The following RFX3 variants were observed in gnomAD, a reference collection of about 807,000 sequenced individuals.
RFX3 encodes regulatory factor X3, also known as transcription factor RFX3.
In RFX3, 14 loss-of-function variants were observed where a neutral mutation model predicts 98.6. The ratio of observed to expected loss-of-function variants is 0.14; its 90% confidence interval spans 0.09 to 0.22. RFX3 has a LOEUF of 0.22. Ranked by LOEUF, RFX3 falls within the 10% of genes least tolerant of loss-of-function variation. RFX3 has a pLI of 1.00. For synonymous variants in RFX3, 383 were observed against 328.4 expected, an observed-to-expected ratio of 1.17 and a Z score of -1.80; for missense variants, 639 against 926.9, an observed-to-expected ratio of 0.69 and a Z score of 4.03.
chr9:3,273,271 T>C lies in RFX3; in HGVS notation c.1087-2153A>G, dbSNP rs569789706. ...AGGAAAAAATAATTAGAATTTTTCTTTTTTATATATGCAGCTCAGCCCTAT... is the reference window on the plus strand; with the variant it reads ...AGGAAAAAATAATTAGAATTTTTCTCTTTTATATATGCAGCTCAGCCCTAT... On this transcript the variant is annotated intron_variant, in intron 9 of 16. Transcript: ENST00000617270. Among the ~76,000 whole-genome samples the C allele has an allele frequency of 2.0e-5, 3 of 152,308 alleles. No homozygotes were observed. The South Asian group carries it at 6.2e-4, about 32-fold the overall frequency.
intron 1 of RFX3, among the ~76,000 whole-genome samples, chr9:3,488,035 G>C (rs1337145999): frequency 6.6e-6 from 1 of 152,092 alleles, no homozygotes; most frequent in Non-Finnish European, 1.5e-5. Flanking sequence ...TATAATTACT[G>C]TTCTATAGGC....
chr9:3,472,316 AC>A (rs1347358272), intron 1 of RFX3, among the ~76,000 whole-genome samples: 1 of 152,098 alleles, frequency 6.6e-6, no homozygotes, highest in African/African-American at 2.4e-5. Flanking sequence ...ACCACTTACT[AC>A]TTAAATGACC....
At chr9:3,424,486 C>A (rs377309321) in intron 1 of RFX3, among the ~76,000 whole-genome samples, 45 of 149,818 alleles carry the variant, frequency 3.0e-4, no homozygotes, top group African/African-American at 1.1e-3. Context: ...CTCAGCCTCC[C>A]GAGTAGCTGG....
intron 1 of RFX3, among the ~76,000 whole-genome samples, chr9:3,405,786 C>T (rs951528609): frequency 6.6e-6 from 1 of 152,128 alleles, no homozygotes; most frequent in African/African-American, 2.4e-5. Context: ...AGGCCACTAC[C>T]TATAATAGGT....
intron 4 of RFX3, among the ~76,000 whole-genome samples, chr9:3,313,871 T>G (rs892359462): frequency 1.3e-5 from 2 of 152,114 alleles, no homozygotes; most frequent in Non-Finnish European, 2.9e-5. Context: ...TATGGGACTA[T>G]GTGAAAAGAG....
At chr9:3,442,689 G>C (rs1440522367) in intron 1 of RFX3, among the ~76,000 whole-genome samples, 1 of 152,140 alleles carries the variant, frequency 6.6e-6, no homozygotes, top group Non-Finnish European at 1.5e-5. Context: ...GGGAACCTCT[G>C]TACTACCTCT....
chr9:3,389,089 G>C (rs1436948075), intron 2 of RFX3, among the ~76,000 whole-genome samples: 1 of 152,072 alleles, frequency 6.6e-6, no homozygotes. Context: ...AATACCTGGA[G>C]CCCAAGATTA....
intron 1 of RFX3, among the ~76,000 whole-genome samples, chr9:3,420,125 C>A (rs957487114): frequency 2.0e-5 from 3 of 152,218 alleles, no homozygotes; most frequent in Admixed American, 6.5e-5. Context: ...TCCGACCATC[C>A]TTCAGTGAGC....
intron 12 of RFX3, among the ~76,000 whole-genome samples, chr9:3,263,513 G>C (rs1307172578): frequency 6.6e-6 from 1 of 152,088 alleles, no homozygotes; most frequent in East Asian, 1.9e-4. Context: ...AATAAAAAGA[G>C]ATCTGGACAT....
At chr9:3,524,827 GCA>G (rs34119220) in intron 1 of RFX3, among the ~76,000 whole-genome samples, 15,820 of 127,838 alleles carry the variant, frequency 0.12, 1,048 homozygotes, top group Non-Finnish European at 0.16. Flanking sequence ...TAAATCACAA[GCA>G]CACACACACA....
intron 3 of RFX3, 141 bp downstream of exon 3, chr9:3,346,526 A>G (rs1834456255): frequency 8.4e-6 from 5 of 591,830 alleles, no homozygotes; most frequent in South Asian, 7.9e-5. Flanking sequence ...AGCTCTAAAC[A>G]TCAGCTTAAT....
At chr9:3,516,725 A>G (rs1028387316) in intron 1 of RFX3, among the ~76,000 whole-genome samples, 2 of 148,258 alleles carry the variant, frequency 1.3e-5, no homozygotes, top group African/African-American at 2.5e-5. Context: ...TCGCTTTCGC[A>G]CTCTCTCTCT....
intron 14 of RFX3, among the ~76,000 whole-genome samples, chr9:3,256,129 G>A (rs981950910): frequency 6.6e-6 from 1 of 152,026 alleles, no homozygotes; most frequent in African/African-American, 2.4e-5. Context: ...ACCATGCCCC[G>A]CTAATTTTGT....
chr9:3,428,431 G>A (rs1844324545), intron 1 of RFX3, among the ~76,000 whole-genome samples: 2 of 152,128 alleles, frequency 1.3e-5, no homozygotes, highest in Admixed American at 1.3e-4. Context: ...GTTTTGTAGA[G>A]TTTCTGAAGT....
chr9:3,262,278 T>G (rs1823013385), intron 13 of RFX3, among the ~76,000 whole-genome samples: 1 of 152,206 alleles, frequency 6.6e-6, no homozygotes, highest in African/African-American at 2.4e-5. Context: ...ATTGAAACTC[T>G]ATAATAATGT....
At position 3,225,254 on chromosome 9, in the gene RFX3, T is replaced by C. The variant is rs1329786532; in HGVS notation, c.2038A>G (p.Met680Val). 1.2e-6 allele frequency: 2 copies of C among 1,613,762 alleles called. No individual in the cohort carries two copies. Among genetic ancestry groups the C allele is most frequent in the Non-Finnish European group, 1.7e-6 (2 of 1,179,900 alleles). The change falls in exon 17 of 17, where the codon ATG becomes GTG. Residue 680 changes from methionine to valine, a missense_variant. Physicochemically the swap from Met to Val is conservative, Grantham distance 21 (BLOSUM62 1). Coordinates refer to ENST00000617270, the MANE Select transcript of RFX3 (RefSeq NM_001282116.2). ...KDEGSEVESE[M>V]DEELDDSSEP... Reference sequence around the variant, plus strand: ...GAAGAGTCATCCAGTTCTTCATCCATTTCACTTTCTACTTCACTGCCTTCA... The same window carrying C: ...GAAGAGTCATCCAGTTCTTCATCCACTTCACTTTCTACTTCACTGCCTTCA...
At chr9:3,365,062 G>C (rs903986165) in intron 2 of RFX3, among the ~76,000 whole-genome samples, 10 of 152,162 alleles carry the variant, frequency 6.6e-5, no homozygotes, top group Non-Finnish European at 1.2e-4. Flanking sequence ...AGCACTTCGG[G>C]AGGCCGGGAC....
Position 3,222,455 on chromosome 9 carries a change from G to C in RFX3, c.*2587C>G, listed in dbSNP as rs753161589. 6.6e-6 allele frequency: 1 copy of C among 152,122 alleles called. No individual in the cohort carries two copies. Among genetic ancestry groups the C allele is most frequent in the Non-Finnish European group, 1.5e-5 (1 of 68,016 alleles). The allele number at this position is 152,122 out of a possible 1,614,324, so 9.4% of individuals were successfully genotyped here. A position where few individuals can be genotyped will look rare whatever the true frequency, so the allele number is the denominator to read the frequency against. ...AATCTAAATTTGCCCATTATTACCA[G>C]ATTCCTGTAATGATACAAATATATC... On this transcript the variant is annotated 3_prime_UTR_variant, in exon 17 of 17. Coordinates refer to ENST00000617270, the MANE Select transcript of RFX3 (RefSeq NM_001282116.2).
chr9:3,346,190 A>G (rs1006363029), intron 3 of RFX3, among the ~76,000 whole-genome samples: 2 of 152,208 alleles, frequency 1.3e-5, no homozygotes, highest in Non-Finnish European at 2.9e-5. Context: ...GCAGGTTTAG[A>G]TAGGAAAGTA....
Sources: gnomAD v4.1 joint callset for allele counts (sites outside exome capture counted in the v4.1 genomes callset) on GRCh38, gnomAD v4.1.1 for gene constraint, MANE v1.5 for transcripts, NCBI Gene and HGNC (gene_info 2026-07-23, HGNC 2026-07-21) for gene names.